Variants in ZSWIM5 observed in about 807,000 individuals in gnomAD.
The protein encoded by ZSWIM5 is zinc finger SWIM domain-containing protein 5.
ZSWIM5 carries 55 observed loss-of-function variants against 119.6 expected under a neutral mutation model. The ratio of observed to expected loss-of-function variants is 0.46; its 90% CI spans 0.37 to 0.58. The LOEUF is 0.58. Ranked by LOEUF, ZSWIM5 falls within the 20% of genes least tolerant of loss-of-function variation. The pLI is 0.00. For synonymous variants in ZSWIM5, 537 were observed against 606.9 expected, an observed-to-expected ratio of 0.88 and a Z score of 1.69; for missense variants, 1,193 against 1,512.8, an observed-to-expected ratio of 0.79 and a Z score of 3.51.
chr1:45,205,639 G>T, intron 1 of ZSWIM5, 117 bp downstream of exon 1: 1 of 1,102,996 alleles, frequency 9.1e-7, no homozygotes, highest in Non-Finnish European at 1.2e-6. Context: ...TTCGTCCTTC[G>T]GCAGGGGTAC....
chr1:45,168,996 G>C (rs1278832658), intron 1 of ZSWIM5, among the ~76,000 whole-genome samples: 1 of 152,002 alleles, frequency 6.6e-6, no homozygotes, highest in South Asian at 2.1e-4. Flanking sequence ...GCTTTACAAA[G>C]TAATACCCAA....
At chr1:45,102,844 A>G (rs1415964068) in intron 1 of ZSWIM5, among the ~76,000 whole-genome samples, 3 of 152,108 alleles carry the variant, frequency 2.0e-5, no homozygotes, top group African/African-American at 7.2e-5. Context: ...ATGTATATAG[A>G]TTTTTAAATT....
Position 45,206,493 on chromosome 1 carries a change from C to T in ZSWIM5, c.-143G>A. The T allele has an allele frequency of 8.7e-7, 1 of 1,154,620 alleles. No homozygotes were observed. The allele number at this position is 1,154,620 out of a possible 1,614,324, so 71.5% of individuals were successfully genotyped here. ...CGAGAGAACCCGCGAGCCAGCCGGC[C>T]CGAGTGGGGAACCGCGGCCGGGCCC... On this transcript the variant is annotated 5_prime_UTR_variant, in exon 1 of 14. Transcript: ENST00000359600.
At chr1:45,170,123 C>T (rs1279033297) in intron 1 of ZSWIM5, among the ~76,000 whole-genome samples, 2 of 151,982 alleles carry the variant, frequency 1.3e-5, no homozygotes, top group Non-Finnish European at 2.9e-5. Flanking sequence ...ACCTACATTC[C>T]GAAAAAGCCA....
intron 1 of ZSWIM5, among the ~76,000 whole-genome samples, chr1:45,163,469 G>C (rs1570168102): frequency 6.6e-6 from 1 of 152,210 alleles, no homozygotes; most frequent in South Asian, 2.1e-4. Flanking sequence ...GCTAGACAGA[G>C]AATGACTTTG....
rs541117335 is a variant in ZSWIM5 at position 45,065,928 on chromosome 1, T to C, written c.953-5681A>G. On this transcript the variant is annotated intron_variant, in intron 2 of 13. Coordinates refer to ENST00000359600, the MANE Select transcript of ZSWIM5 (RefSeq NM_020883.2). ...GCACAATGTGCAGGTTTGTTATATA[T>C]GTATACATGTGCCATGTTGCTGTGC... Among the ~76,000 whole-genome samples the C allele has an allele frequency of 1.2e-4, 18 of 152,126 alleles. No individual in the cohort carries two copies. The East Asian group carries it at 3.5e-3, about 29-fold the overall frequency.
At chr1:45,166,923 TC>T (rs1442481018) in intron 1 of ZSWIM5, among the ~76,000 whole-genome samples, 1 of 152,070 alleles carries the variant, frequency 6.6e-6, no homozygotes, top group East Asian at 1.9e-4. Flanking sequence ...TTCAATGCCA[TC>T]ACCATCAAGC....
At chr1:45,143,486 T>A (rs969863602) in intron 1 of ZSWIM5, among the ~76,000 whole-genome samples, 2 of 152,126 alleles carry the variant, frequency 1.3e-5, no homozygotes, top group African/African-American at 4.8e-5. Flanking sequence ...AACAAAACTC[T>A]TAGCAAACCT....
At chr1:45,083,773 C>T (rs1645308703) in intron 2 of ZSWIM5, among the ~76,000 whole-genome samples, 1 of 152,168 alleles carries the variant, frequency 6.6e-6, no homozygotes, top group Admixed American at 6.5e-5. Context: ...TTAATTGGCT[C>T]ACTGTTCCAC....
intron 1 of ZSWIM5, among the ~76,000 whole-genome samples, chr1:45,114,202 A>T (rs1052391774): frequency 1.4e-4 from 21 of 152,146 alleles, no homozygotes; most frequent in Admixed American, 1.4e-3. Context: ...TTCGGCATGG[A>T]AGGTTGGGGA....
intron 11 of ZSWIM5, among the ~76,000 whole-genome samples, chr1:45,023,504 C>CCT (rs1644900666): frequency 7.2e-6 from 1 of 139,196 alleles, no homozygotes; most frequent in Non-Finnish European, 1.5e-5. Flanking sequence ...TTCCATGTCT[C>CCT]TTTTTTTTTT....
At chr1:45,085,524 G>GTTTT (rs1387910637) in intron 2 of ZSWIM5, among the ~76,000 whole-genome samples, 19 of 128,936 alleles carry the variant, frequency 1.5e-4, no homozygotes, top group African/African-American at 3.5e-4. Flanking sequence ...AGGTTAGTTT[G>GTTTT]TTTGTTTTTT....
At chr1:45,021,192 C>T (rs556983865) in intron 11 of ZSWIM5, among the ~76,000 whole-genome samples, 2 of 152,302 alleles carry the variant, frequency 1.3e-5, no homozygotes, top group Admixed American at 6.5e-5. Flanking sequence ...CCCGCCACCA[C>T]GCCCGGTTAA....
At chr1:45,194,849 C>T (rs1557795797) in intron 1 of ZSWIM5, among the ~76,000 whole-genome samples, 3 of 151,724 alleles carry the variant, frequency 2.0e-5, no homozygotes, top group African/African-American at 7.3e-5. Context: ...TGCACACCAG[C>T]CTGGGCAACA....
chr1:45,022,034 AT>A (rs1017615893), intron 11 of ZSWIM5, among the ~76,000 whole-genome samples: 3 of 149,816 alleles, frequency 2.0e-5, no homozygotes, highest in Non-Finnish European at 3.0e-5. Context: ...AAAAAAAAAA[AT>A]AAATAAGAGT....
At position 45,088,998 on chromosome 1, in the gene ZSWIM5, C is replaced by T. The variant is rs1645348027; in HGVS notation, c.596-761G>A. ...TTTTATCTCTGGGGTCTTGCTCTGC[C>T]ACCGAGGCTGGAGTGCAGTGGTGCA... On this transcript the variant is annotated intron_variant, in intron 1 of 13. Transcript: ENST00000359600. The surrounding 1 kb of genome is among the most constrained non-coding windows in gnomAD (Gnocchi z 4.2). Among the ~76,000 whole-genome samples the T allele has an allele frequency of 6.6e-6, 1 of 152,052 alleles. No individual in the cohort carries two copies. The highest frequency in any genetic ancestry group is 2.4e-5 in the African/African-American group (1 of 41,392).
At chr1:45,034,831 G>A (rs1285528574) in intron 10 of ZSWIM5, among the ~76,000 whole-genome samples, 1 of 152,096 alleles carries the variant, frequency 6.6e-6, no homozygotes, top group African/African-American at 2.4e-5. Flanking sequence ...GCATAGGCTG[G>A]AGTGTAGTGG....
chr1:45,120,272 A>AG (rs1420881514), intron 1 of ZSWIM5, among the ~76,000 whole-genome samples: 2 of 152,110 alleles, frequency 1.3e-5, no homozygotes, highest in Non-Finnish European at 2.9e-5. Context: ...TGAACCCCGG[A>AG]GGGGGAGGTC....
chr1:45,069,420 C>T (rs371545045), intron 2 of ZSWIM5, among the ~76,000 whole-genome samples: 12 of 147,860 alleles, frequency 8.1e-5, no homozygotes, highest in South Asian at 4.2e-4. Flanking sequence ...AGTGAGACTC[C>T]GTCTCCAAAA....
Sources: gnomAD v4.1 joint callset for allele counts (sites outside exome capture counted in the v4.1 genomes callset) on GRCh38, gnomAD v4.1.1 for gene constraint, Gnocchi (gnomAD v3.1) non-coding constraint, MANE v1.5 for transcripts, NCBI Gene and HGNC (gene_info 2026-07-23, HGNC 2026-07-21) for gene names.